The following SCHIP1 variants were observed in gnomAD, a reference collection of about 807,000 sequenced individuals.
The protein encoded by SCHIP1 is schwannomin-interacting protein 1.
Under a neutral mutation model 29.7 loss-of-function variants are expected in SCHIP1, and 8 were observed. The ratio of observed to expected loss-of-function variants is 0.27; its 90% CI spans 0.16 to 0.49. The LOEUF (loss-of-function observed/expected upper bound fraction) is 0.49. Ranked by LOEUF, SCHIP1 falls within the 20% of genes least tolerant of loss-of-function variation. The probability of loss-of-function intolerance (pLI) is 0.99; values close to 1 mark genes in which losing one functional copy is unlikely to be tolerated. For missense variants in SCHIP1, 193 were observed against 294.6 expected, an observed-to-expected ratio of 0.66 and a Z score of 2.52; for synonymous variants, 76 against 94.9, an observed-to-expected ratio of 0.80 and a Z score of 1.16.
In SCHIP1 at chr3:159,887,647, C is replaced by T. The variant is rs1011760474; in HGVS notation, c.268-61C>T. The T allele has an allele frequency of 3.1e-6, 5 of 1,595,980 alleles. No homozygotes were observed. The African/African-American group carries it at 4.0e-5, about 13-fold the overall frequency. On this transcript the variant is annotated intron_variant, in intron 3 of 6. Transcript: ENST00000445224. ...AGGCTCAGAGGATGTTGTAGCCCAT[C>T]TCTAAGTGGATGCTAGCTGGCATGC... is the stretch of plus-strand genomic sequence containing the variant.
the SCHIP1 span, among the ~76,000 whole-genome samples, chr3:159,687,279 A>G: frequency 6.6e-6 from 1 of 151,858 alleles, no homozygotes; most frequent in Non-Finnish European, 1.5e-5. Flanking sequence ...TCTCCCCACC[A>G]AGACTCAACC....
At chr3:159,398,331 C>T in the SCHIP1 span, among the ~76,000 whole-genome samples, 72 of 152,240 alleles carry the variant, frequency 4.7e-4, no homozygotes, top group Admixed American at 2.6e-4. Context: ...TGTTCCTATT[C>T]GGCCATCTTG....
chr3:159,327,394 C>T, the SCHIP1 span, among the ~76,000 whole-genome samples: 5 of 152,198 alleles, frequency 3.3e-5, 1 homozygote, highest in Middle Eastern at 0.014. Context: ...CAGGTTCTCC[C>T]CTTGGGTAGT....
At chr3:159,638,073 G>A in the SCHIP1 span, among the ~76,000 whole-genome samples, 1 of 152,186 alleles carries the variant, frequency 6.6e-6, no homozygotes, top group African/African-American at 2.4e-5. Context: ...TCCTTAGAAA[G>A]TAAAATAGTC....
At chr3:159,382,894 A>T in the SCHIP1 span, among the ~76,000 whole-genome samples, 1 of 151,922 alleles carries the variant, frequency 6.6e-6, no homozygotes. Flanking sequence ...TTTTGGCTGC[A>T]TTAATGTCTT....
chr3:159,304,463 A>G, the SCHIP1 span, among the ~76,000 whole-genome samples: 1 of 152,150 alleles, frequency 6.6e-6, no homozygotes, highest in African/African-American at 2.4e-5. Context: ...TTTTCCTTCC[A>G]TAAATGAAGC....
the SCHIP1 span, among the ~76,000 whole-genome samples, chr3:159,635,129 CAG>C: frequency 6.6e-6 from 1 of 152,182 alleles, no homozygotes; most frequent in Non-Finnish European, 1.5e-5. Context: ...TCTAACTTTG[CAG>C]ATAGTTGAAA....
chr3:159,402,499 T>C, the SCHIP1 span, among the ~76,000 whole-genome samples: 3 of 152,170 alleles, frequency 2.0e-5, no homozygotes, highest in Non-Finnish European at 4.4e-5. Flanking sequence ...TATTGTGGCA[T>C]TATTCACAAT....
chr3:159,719,681 T>C, the SCHIP1 span, among the ~76,000 whole-genome samples: 1 of 152,264 alleles, frequency 6.6e-6, no homozygotes, highest in East Asian at 1.9e-4. Flanking sequence ...AAAACTACAA[T>C]GAGATAGCAT....
At chr3:159,674,907 A>G in the SCHIP1 span, among the ~76,000 whole-genome samples, 1 of 152,176 alleles carries the variant, frequency 6.6e-6, no homozygotes, top group African/African-American at 2.4e-5. Flanking sequence ...TGGCAGCAGT[A>G]TCTACGGAGT....
chr3:159,595,016 A>T, the SCHIP1 span, among the ~76,000 whole-genome samples: 1 of 152,156 alleles, frequency 6.6e-6, no homozygotes, highest in African/African-American at 2.4e-5. Flanking sequence ...AATTCAAGGG[A>T]AAGACTGCAA....
chr3:159,840,359 T>C (rs1370516540), intron 1 of SCHIP1: 1 of 713,164 alleles, frequency 1.4e-6, no homozygotes, highest in Non-Finnish European at 2.4e-6. Context: ...GTATCTGAAT[T>C]GTAATTAGCT....
chr3:159,791,357 T>G, the SCHIP1 span, among the ~76,000 whole-genome samples: 2 of 152,126 alleles, frequency 1.3e-5, no homozygotes, highest in Admixed American at 6.5e-5. Context: ...CAGAGACTAG[T>G]AACGGCAAGA....
chr3:159,863,412 T>C (rs1258654729), intron 1 of SCHIP1, among the ~76,000 whole-genome samples: 1 of 152,086 alleles, frequency 6.6e-6, no homozygotes, highest in African/African-American at 2.4e-5. Flanking sequence ...CCATAGAAGG[T>C]AACTCCATAG....
In SCHIP1 at chr3:159,887,787, C is replaced by T. The variant is rs1717108145; in HGVS notation, c.347C>T (p.Thr116Ile). Residue 116 changes from threonine to isoleucine, a missense_variant, in exon 4 of 7, where the codon ACA becomes ATA. Transcript: ENST00000445224. ...TCCTTGGATGACATGGACTTCCTTACAAGGCAAAAGAAATTGCAAGCTGAA... is the reference window on the plus strand; with the variant it reads ...TCCTTGGATGACATGGACTTCCTTATAAGGCAAAAGAAATTGCAAGCTGAA... The T allele has an allele frequency of 1.9e-6, 3 of 1,613,930 alleles. No individual in the cohort carries two copies. The South Asian group carries it at 3.3e-5, about 18-fold the overall frequency.
the SCHIP1 span, among the ~76,000 whole-genome samples, chr3:159,491,675 G>T: frequency 3.5e-3 from 529 of 152,360 alleles, 8 homozygotes; most frequent in African/African-American, 0.012. Flanking sequence ...CTCCACCTCT[G>T]GTGGCAGGGC....
At chr3:159,890,192 C>G (rs1266797372) in intron 5 of SCHIP1, among the ~76,000 whole-genome samples, 1 of 152,038 alleles carries the variant, frequency 6.6e-6, no homozygotes, top group Non-Finnish European at 1.5e-5. Context: ...CTGGAATTTG[C>G]TTTAAAATAA....
upstream of SCHIP1, among the ~76,000 whole-genome samples, chr3:159,837,896 C>G (rs1418665375): frequency 6.6e-6 from 1 of 152,156 alleles, no homozygotes; most frequent in Non-Finnish European, 1.5e-5. Context: ...TTCCCTACCC[C>G]CAGGCTTCTG....
At chr3:159,705,926 C>T in the SCHIP1 span, among the ~76,000 whole-genome samples, 3 of 152,012 alleles carry the variant, frequency 2.0e-5, no homozygotes, top group Admixed American at 6.6e-5. Flanking sequence ...AGGCTGGTCT[C>T]GGAGTCCTGA....
Sources: gnomAD v4.1 joint callset for allele counts (sites outside exome capture counted in the v4.1 genomes callset) on GRCh38, gnomAD v4.1.1 for gene constraint, MANE v1.5 for transcripts, NCBI Gene and HGNC (gene_info 2026-07-23, HGNC 2026-07-21) for gene names.